The following VLDLR variants were observed in gnomAD, a reference collection of about 807,000 sequenced individuals.
VLDLR encodes very low density lipoprotein receptor.
A neutral mutation model predicts 112.7 loss-of-function variants in VLDLR; 81 were observed. The observed-to-expected ratio is 0.72, with a 90% CI of 0.60 to 0.86. The LOEUF is 0.86. Ranked by LOEUF, VLDLR falls within the 40% of genes least tolerant of loss-of-function variation. VLDLR has a pLI of 0.00. For synonymous variants in VLDLR, 436 were observed against 384.8 expected (o/e 1.13, Z -1.56); for missense variants, 1,237 against 1,099.4 (o/e 1.13, Z -1.77).
In VLDLR at chr9:2,648,339, A is replaced by G. The variant is rs747853442; in HGVS notation, c.1954A>G (p.Ile652Val). 10 of 1,614,146 alleles carry G rather than the reference A, an allele frequency of 6.2e-6. No homozygotes were observed. The highest frequency in any genetic ancestry group is 1.3e-5 in the African/African-American group (1 of 75,036). Residue 652 changes from isoleucine to valine, a missense_variant, in exon 13 of 19, where the codon ATA (isoleucine) becomes GTA (valine). Physicochemically the swap from Ile to Val is conservative, Grantham distance 29. Transcript: ENST00000382100. ...EFLAHPLALT[I>V]FEDRVYWIDG... The stretch of plus-strand genomic sequence containing the variant: ...CCTAGCTCATCCTCTTGCACTAACA[A>G]TATTTGAGGTAAGATGTGTCTCACA...
In VLDLR at chr9:2,648,666, T is replaced by C; in HGVS notation, c.1963-3T>C. ...ACATGCTAATTGTGGGCTTCTGTTT[T>C]AGGATCGTGTCTACTGGATAGATGG... On this transcript the variant is annotated splice_polypyrimidine_tract_variant and splice_region_variant and intron_variant, in intron 13 of 18. Coordinates refer to ENST00000382100, the MANE Select transcript of VLDLR (RefSeq NM_003383.5). The C allele has an allele frequency of 1.2e-6, 2 of 1,614,230 alleles. No homozygotes were observed. The highest frequency in any genetic ancestry group is 1.7e-6 in the Non-Finnish European group (2 of 1,180,034).
Position 2,650,620 on chromosome 9 carries a change from T to G in VLDLR, c.2251+104T>G, listed in dbSNP as rs1411512418. 2.0e-6 allele frequency: 3 copies of G among 1,484,600 alleles called. No individual in the cohort carries two copies. In the African/African-American group the frequency reaches 4.2e-5, roughly 21 times the overall value. 92.0% of individuals were successfully genotyped at this position (1,484,600 alleles called of 1,614,324 possible). On this transcript the variant is annotated intron_variant, in intron 15 of 18. Transcript: ENST00000382100. ...ATTCTGTCTTAGCTAATTCTTTGAA[T>G]AGATTTGAGAAGATATCTGCTATTG...
In VLDLR at chr9:2,643,277, C is replaced by T. The variant is rs950640457; in HGVS notation, c.566C>T (p.Ala189Val). The T allele has an allele frequency of 2.5e-6, 4 of 1,613,602 alleles. No homozygotes were observed. Among genetic ancestry groups the T allele is most frequent in the South Asian group, 1.1e-5 (1 of 91,048 alleles). The change falls in exon 5 of 19, where the codon GCC becomes GTC. Residue 189 changes from alanine to valine, a missense_variant. Coordinates refer to ENST00000382100, the MANE Select transcript of VLDLR (RefSeq NM_003383.5). Reference sequence around the variant, plus strand: ...GATGGCAGTGATGAGCTGGACTGTGCCCCGCCAACCTGTGGCGCCCATGAG... The same window carrying T: ...GATGGCAGTGATGAGCTGGACTGTGTCCCGCCAACCTGTGGCGCCCATGAG... ...CSDGSDELDCAPPTCGAHEFQ... is the reference protein window; with the variant it reads ...CSDGSDELDCVPPTCGAHEFQ...
At chr9:2,650,143 C>T (rs924256558) in intron 14 of VLDLR, among the ~76,000 whole-genome samples, 1 of 152,146 alleles carries the variant, frequency 6.6e-6, no homozygotes, top group Non-Finnish European at 1.5e-5. Flanking sequence ...AAAGGCATAA[C>T]TTTTACAGTC....
intron 2 of VLDLR, among the ~76,000 whole-genome samples, chr9:2,635,862 A>G (rs146265041): frequency 1.3e-5 from 2 of 152,186 alleles, no homozygotes; most frequent in Admixed American, 1.3e-4. Flanking sequence ...AAATAGAGAC[A>G]AACAGAAGAT....
intron 11 of VLDLR, 113 bp from the exon 12 acceptor site, chr9:2,647,361 T>C (rs1003245158): frequency 4.9e-6 from 4 of 810,920 alleles, no homozygotes; most frequent in Non-Finnish European, 8.7e-6. Flanking sequence ...TTACTATTTG[T>C]CACTAGAGAA....
intron 1 of VLDLR, among the ~76,000 whole-genome samples, chr9:2,624,355 C>A (rs1816985921): frequency 6.6e-6 from 1 of 152,168 alleles, no homozygotes; most frequent in African/African-American, 2.4e-5. Context: ...GACTTTCTAC[C>A]CTGGAGCTTC....
In VLDLR at chr9:2,658,082, T is replaced by C. The variant is rs915115716; in HGVS notation, c.*4214T>C. 4 of 152,212 alleles carry C rather than the reference T, an allele frequency of 2.6e-5. No individual in the cohort carries two copies. The highest frequency in any genetic ancestry group is 9.7e-5 in the African/African-American group (4 of 41,450). 9.4% of individuals were successfully genotyped at this position (152,212 alleles called of 1,614,324 possible). A position where few individuals can be genotyped will look rare whatever the true frequency, so the allele number is the denominator to read the frequency against. ...GGAACAATGGCGTTTTTCGAACTTA[T>C]TTCTCTCTAATCCAGCCTGGAGGAT... On this transcript the variant is annotated 3_prime_UTR_variant, in exon 19 of 19. Transcript: ENST00000382100.
At chr9:2,633,682 T>A (rs1309201315) in intron 1 of VLDLR, among the ~76,000 whole-genome samples, 1 of 152,194 alleles carries the variant, frequency 6.6e-6, no homozygotes, top group African/African-American at 2.4e-5. Flanking sequence ...TCTTTCCAAG[T>A]ATATTTATAC....
Position 2,648,673 on chromosome 9 carries a change from G to T in VLDLR, c.1967G>T (p.Arg656Leu). The T allele has an allele frequency of 6.2e-7, 1 of 1,614,154 alleles. No homozygotes were observed. The highest frequency in any genetic ancestry group is 8.5e-7 in the Non-Finnish European group (1 of 1,180,030). The change falls in exon 14 of 19, where the codon CGT (arginine) becomes CTT (leucine). Residue 656 changes from arginine (R) to leucine (L), a missense_variant. Physicochemically the swap from Arg to Leu is moderately radical, Grantham distance 102 (BLOSUM62 -2). Transcript: ENST00000382100. ...HPLALTIFED[R>L]VYWIDGENEA... ...AATTGTGGGCTTCTGTTTTAGGATC[G>T]TGTCTACTGGATAGATGGGGAAAAT...
chr9:2,633,160 G>A (rs149385509), intron 1 of VLDLR, among the ~76,000 whole-genome samples: 11 of 150,196 alleles, frequency 7.3e-5, no homozygotes, highest in African/African-American at 1.2e-4. Context: ...GAAATATCTC[G>A]GATAAGAAAA....
chr9:2,653,391 G>T (rs921919348), intron 18 of VLDLR, among the ~76,000 whole-genome samples: 1 of 152,138 alleles, frequency 6.6e-6, no homozygotes, highest in African/African-American at 2.4e-5. Flanking sequence ...ACCGCCCTTA[G>T]TATAGCTAGC....
intron 10 of VLDLR, 55 bp from the exon 11 acceptor site, chr9:2,646,279 T>A: frequency 6.3e-7 from 1 of 1,581,868 alleles, no homozygotes; most frequent in Non-Finnish European, 8.7e-7. Flanking sequence ...AAGTCCATTC[T>A]CCAAGCTCTA....
intron 1 of VLDLR, among the ~76,000 whole-genome samples, chr9:2,634,139 T>A (rs1285509924): frequency 6.6e-6 from 1 of 152,164 alleles, no homozygotes; most frequent in Non-Finnish European, 1.5e-5. Flanking sequence ...CACACCCATA[T>A]GGTCATCTTG....
At chr9:2,648,560 C>A in intron 13 of VLDLR, 109 bp from the exon 14 acceptor site, 12 of 1,569,298 alleles carry the variant, frequency 7.6e-6, no homozygotes, top group Non-Finnish European at 1.1e-5. Flanking sequence ...TGTCCCAGTT[C>A]AGCATTCAGT....
intron 1 of VLDLR, among the ~76,000 whole-genome samples, chr9:2,624,461 G>T (rs995347836): frequency 6.6e-6 from 1 of 152,218 alleles, no homozygotes; most frequent in Non-Finnish European, 1.5e-5. Context: ...GGAACTTAAG[G>T]CTAACAAGAA....
chr9:2,631,863 C>A (rs1201347358), intron 1 of VLDLR, among the ~76,000 whole-genome samples: 2 of 151,964 alleles, frequency 1.3e-5, no homozygotes, highest in Non-Finnish European at 2.9e-5. Context: ...ATACAAACAC[C>A]ACCAAGAAGA....
Position 2,622,077 on chromosome 9 carries a change from C to A in VLDLR, c.-113C>A, listed in dbSNP as rs34433332. The A allele has an allele frequency of 3.0e-5, 32 of 1,074,376 alleles. No individual in the cohort carries two copies. In the African/African-American group the frequency reaches 5.0e-4, roughly 17 times the overall value. The allele number at this position is 1,074,376 out of a possible 1,614,324, so 66.6% of individuals were successfully genotyped here. ...CGCCAACTCCTTCCCCTCCTTCTCCCCCTTTCCCCTCCCCGCCCCCACCTT... is the reference window on the plus strand; with the variant it reads ...CGCCAACTCCTTCCCCTCCTTCTCCACCTTTCCCCTCCCCGCCCCCACCTT... On this transcript the variant is annotated 5_prime_UTR_variant, in exon 1 of 19. Coordinates refer to ENST00000382100, the MANE Select transcript of VLDLR (RefSeq NM_003383.5).
chr9:2,644,158 T>G (rs977223775), intron 7 of VLDLR, among the ~76,000 whole-genome samples, 199 bp downstream of exon 7: 6 of 138,706 alleles, frequency 4.3e-5, no homozygotes, highest in South Asian at 2.5e-4. Context: ...TTGTTGTTTT[T>G]TTTTTTTTTT....
Sources: gnomAD v4.1 joint callset for allele counts (sites outside exome capture counted in the v4.1 genomes callset) on GRCh38, gnomAD v4.1.1 for gene constraint, MANE v1.5 for transcripts, NCBI Gene and HGNC (gene_info 2026-07-23, HGNC 2026-07-21) for gene names.